TUSC3: variants seen among roughly 807,000 people sequenced by gnomAD.
The protein encoded by TUSC3 is tumor suppressor candidate 3.
A neutral mutation model predicts 44.8 loss-of-function variants in TUSC3; 45 were observed. The ratio of observed to expected loss-of-function variants is 1.00; its 90% CI spans 0.79 to 1.29. The LOEUF is 1.29. Among genes scored for constraint, TUSC3 ranks in the 50% most tolerant of loss-of-function variants. The probability of loss-of-function intolerance (pLI) is 0.00; values close to 1 mark genes in which losing one functional copy is unlikely to be tolerated. For synonymous variants in TUSC3, 212 were observed against 152.9 expected (o/e 1.39, Z -2.85); for missense variants, 519 against 437.9 (o/e 1.19, Z -1.65).
the TUSC3 span, among the ~76,000 whole-genome samples, chr8:15,824,153 G>C: frequency 6.6e-6 from 1 of 152,168 alleles, no homozygotes; most frequent in Non-Finnish European, 1.5e-5. Context: ...ACTAAACTGA[G>C]AATCACTGCA....
At chr8:15,431,223 A>G (rs1318003523) in intron 1 of TUSC3, among the ~76,000 whole-genome samples, 1 of 151,394 alleles carries the variant, frequency 6.6e-6, no homozygotes, top group African/African-American at 2.4e-5. Context: ...TTTTTTAATC[A>G]CATTTTTTAA....
intron 7 of TUSC3, among the ~76,000 whole-genome samples, chr8:15,742,817 G>A (rs1207168947): frequency 6.6e-6 from 1 of 152,178 alleles, no homozygotes; most frequent in Non-Finnish European, 1.5e-5. Flanking sequence ...TGTGAAAAAT[G>A]TTGTAATGAC....
intron 1 of TUSC3, among the ~76,000 whole-genome samples, chr8:15,547,119 T>C (rs1302272227): frequency 6.6e-6 from 1 of 151,784 alleles, no homozygotes; most frequent in Non-Finnish European, 1.5e-5. Flanking sequence ...GTTTGATATT[T>C]GAAGGTGAAA....
In TUSC3 at chr8:15,547,503, G is replaced by A. The variant is rs1415401710; in HGVS notation, c.138+6935G>A. ...ACTGAATTTAATGAACTTGGTGGTC[G>A]ATAATAAGGCTTAAATTATATCAGG... On this transcript the variant is annotated intron_variant, in intron 1 of 10. Transcript: ENST00000503731. 1.3e-5 allele frequency among the ~76,000 whole-genome samples: 2 copies of A among 151,518 alleles called. 1 individual carries two copies. The highest frequency in any genetic ancestry group is 1.3e-4 in the Admixed American group (2 of 15,138).
At chr8:15,810,471 C>T in the TUSC3 span, among the ~76,000 whole-genome samples, 1 of 151,922 alleles carries the variant, frequency 6.6e-6, no homozygotes, top group East Asian at 1.9e-4. Flanking sequence ...GATGTACTCT[C>T]TACAGATAAT....
chr8:15,692,507 A>T (rs1481888372), intron 6 of TUSC3, among the ~76,000 whole-genome samples: 1 of 145,600 alleles, frequency 6.9e-6, no homozygotes, highest in Non-Finnish European at 1.5e-5. Context: ...GCTTTTTATT[A>T]CTTATTCAAT....
At chr8:15,807,388 G>A in the TUSC3 span, 4 of 323,334 alleles carry the variant, frequency 1.2e-5, no homozygotes, top group African/African-American at 6.6e-5. Flanking sequence ...GTGGAGAGAA[G>A]GCAATGCTTA....
chr8:15,490,506 G>A (rs867128587), intron 2 of TUSC3, among the ~76,000 whole-genome samples: 1 of 152,128 alleles, frequency 6.6e-6, no homozygotes. Context: ...TGACGTTGAG[G>A]TTTGGGAAAT....
chr8:15,838,244 C>T, the TUSC3 span, among the ~76,000 whole-genome samples: 1 of 152,144 alleles, frequency 6.6e-6, no homozygotes, highest in African/African-American at 2.4e-5. Flanking sequence ...ACCTTTGAGA[C>T]TTATACTTTG....
At chr8:15,433,320 G>A (rs545090261) in intron 1 of TUSC3, among the ~76,000 whole-genome samples, 1 of 152,136 alleles carries the variant, frequency 6.6e-6, no homozygotes, top group East Asian at 1.9e-4. Context: ...GTCAAATTTG[G>A]TGTCAGTGAG....
chr8:15,513,258 C>G (rs549615987), intron 2 of TUSC3, among the ~76,000 whole-genome samples: 142 of 151,834 alleles, frequency 9.4e-4, no homozygotes, highest in Admixed American at 6.3e-3. Flanking sequence ...ATAAAAGAAA[C>G]CACACAGTAG....
At chr8:15,723,758 CTATCT>C (rs1218831214) in intron 6 of TUSC3, among the ~76,000 whole-genome samples, 1 of 152,024 alleles carries the variant, frequency 6.6e-6, no homozygotes, top group African/African-American at 2.4e-5. Context: ...AAGATACTTC[CTATCT>C]TAAGAGTTCA....
the TUSC3 span, among the ~76,000 whole-genome samples, chr8:15,774,538 A>G: frequency 3.9e-5 from 6 of 152,182 alleles, no homozygotes; most frequent in Non-Finnish European, 8.8e-5. Context: ...CACAAGTAGC[A>G]TGACTTTGCC....
At chr8:15,429,998 CA>C (rs974494113) in intron 1 of TUSC3, among the ~76,000 whole-genome samples, 2 of 150,982 alleles carry the variant, frequency 1.3e-5, no homozygotes, top group Admixed American at 1.3e-4. Context: ...GCCCACCAAC[CA>C]AAAAAAATCC....
intron 1 of TUSC3, among the ~76,000 whole-genome samples, chr8:15,617,802 C>T (rs1373066988): frequency 1.3e-5 from 2 of 152,136 alleles, no homozygotes; most frequent in Non-Finnish European, 2.9e-5. Context: ...ATCCTCCCAA[C>T]CCTGGCTGAT....
chr8:15,693,920 T>C (rs1217932689), intron 6 of TUSC3, among the ~76,000 whole-genome samples: 5 of 152,066 alleles, frequency 3.3e-5, no homozygotes, highest in African/African-American at 1.2e-4. Flanking sequence ...CTCAGCTTGC[T>C]CATTTGTGCT....
intron 1 of TUSC3, among the ~76,000 whole-genome samples, chr8:15,482,898 G>A (rs1440959939): frequency 1.3e-5 from 2 of 152,100 alleles, no homozygotes; most frequent in African/African-American, 4.8e-5. Context: ...CCCAGAATTA[G>A]TATATTTATT....
At chr8:15,556,860 T>C (rs1162364168) in intron 1 of TUSC3, among the ~76,000 whole-genome samples, 1 of 139,508 alleles carries the variant, frequency 7.2e-6, no homozygotes, top group Non-Finnish European at 1.6e-5. Flanking sequence ...TGTTTGTTTT[T>C]TTCTTGTAAA....
the TUSC3 span, chr8:15,806,741 T>C: frequency 1.3e-6 from 1 of 788,146 alleles, no homozygotes; most frequent in Non-Finnish European, 2.2e-6. Context: ...GGCTTTCACA[T>C]GCTAAAGCAT....
Sources: allele counts gnomAD v4.1 joint callset (sites outside exome capture counted in the v4.1 genomes callset), GRCh38; gene constraint gnomAD v4.1.1; transcripts MANE v1.5; gene names NCBI Gene and HGNC (gene_info 2026-07-23, HGNC 2026-07-21).